PCMTD1: variants seen among roughly 807,000 people sequenced by gnomAD.
PCMTD1 encodes protein-L-isoaspartate (D-aspartate) O-methyltransferase domain containing 1, also known as protein-L-isoaspartate O-methyltransferase domain-containing protein 1.
Under a neutral mutation model 37.6 loss-of-function variants are expected in PCMTD1, and 12 were observed. That is an observed-to-expected ratio of 0.32 (90% CI 0.20 to 0.52). The LOEUF is 0.52. Among genes scored for constraint, PCMTD1 ranks in the 20% least tolerant of loss-of-function variants. PCMTD1 has a pLI of 0.97. For synonymous variants in PCMTD1, 117 were observed against 135.8 expected (o/e 0.86, Z 0.96); for missense variants, 235 against 421.3 (o/e 0.56, Z 3.87).
At chr8:51,844,030 T>C (rs2038183538) in intron 3 of PCMTD1, among the ~76,000 whole-genome samples, 1 of 152,152 alleles carries the variant, frequency 6.6e-6, no homozygotes, top group South Asian at 2.1e-4. Flanking sequence ...AAATACTTAA[T>C]AGCAATTAAA....
chr8:51,887,391 A>G (rs950318371), intron 1 of PCMTD1, among the ~76,000 whole-genome samples: 1 of 152,182 alleles, frequency 6.6e-6, no homozygotes, highest in East Asian at 1.9e-4. Flanking sequence ...CTCATCCAGC[A>G]TACAGGTGAA....
intron 1 of PCMTD1, among the ~76,000 whole-genome samples, chr8:51,866,785 G>T (rs1424034233): frequency 6.6e-6 from 1 of 151,924 alleles, no homozygotes; most frequent in Non-Finnish European, 1.5e-5. Context: ...AAATGAGACT[G>T]TATCAAACTA....
chr8:51,875,357 A>G (rs1456179940), intron 1 of PCMTD1, among the ~76,000 whole-genome samples: 8 of 152,326 alleles, frequency 5.3e-5, no homozygotes, highest in African/African-American at 1.9e-4. Flanking sequence ...ATATAATTCA[A>G]TTTAGTAAGT....
At chr8:51,824,324 A>C (rs2037890197) in intron 5 of PCMTD1, among the ~76,000 whole-genome samples, 1 of 152,202 alleles carries the variant, frequency 6.6e-6, no homozygotes, top group African/African-American at 2.4e-5. Flanking sequence ...AAATCTCCTT[A>C]AGCTGATTAG....
intron 2 of PCMTD1, among the ~76,000 whole-genome samples, chr8:51,852,929 T>C (rs573510863): frequency 4.6e-4 from 70 of 152,306 alleles, no homozygotes; most frequent in African/African-American, 1.6e-3. Context: ...TGGAATCTTT[T>C]GTACACTGGA....
intron 1 of PCMTD1, among the ~76,000 whole-genome samples, chr8:51,867,309 C>T (rs903166621): frequency 6.6e-6 from 1 of 151,970 alleles, no homozygotes; most frequent in African/African-American, 2.4e-5. Flanking sequence ...TCAGCATTAT[C>T]TTATGATCCA....
intron 2 of PCMTD1, among the ~76,000 whole-genome samples, chr8:51,856,070 A>C (rs916229223): frequency 3.3e-5 from 5 of 152,242 alleles, no homozygotes; most frequent in African/African-American, 1.2e-4. Flanking sequence ...CTAATAAAGA[A>C]CATTCTTTAA....
At chr8:51,854,427 C>T (rs557187465) in intron 2 of PCMTD1, among the ~76,000 whole-genome samples, 1 of 152,000 alleles carries the variant, frequency 6.6e-6, no homozygotes, top group Non-Finnish European at 1.5e-5. Flanking sequence ...ATACAGAGAA[C>T]AAGAGCAGAA....
At chr8:51,898,794 T>G (rs1208477349) in intron 1 of PCMTD1, 136 bp downstream of exon 1, 40 of 854,452 alleles carry the variant, frequency 4.7e-5, no homozygotes, top group Non-Finnish European at 6.1e-5. Flanking sequence ...CGCCCTTAAG[T>G]CCCCCTGCCC....
chr8:51,822,901 G>A (rs1383875996), intron 5 of PCMTD1, among the ~76,000 whole-genome samples: 3 of 152,162 alleles, frequency 2.0e-5, no homozygotes, highest in African/African-American at 7.2e-5. Context: ...AGTCTTTTCC[G>A]CTGATCTTGG....
At chr8:51,862,989 C>T (rs144527683) in intron 1 of PCMTD1, among the ~76,000 whole-genome samples, 1 of 151,892 alleles carries the variant, frequency 6.6e-6, no homozygotes, top group East Asian at 1.9e-4. Flanking sequence ...TTAGCTGTGG[C>T]ATCTCAACTT....
chr8:51,839,465 T>C, intron 3 of PCMTD1: 1 of 985,462 alleles, frequency 1.0e-6, no homozygotes, highest in Non-Finnish European at 1.2e-6. Flanking sequence ...TGGTTTTCTT[T>C]ATAGGTGCAT....
chr8:51,840,511 TTAG>T (rs1333008658), intron 3 of PCMTD1, among the ~76,000 whole-genome samples: 1 of 152,114 alleles, frequency 6.6e-6, no homozygotes, highest in Admixed American at 6.5e-5. Context: ...CTAAACATTA[TTAG>T]AATACCAAAA....
At chr8:51,865,432 A>G (rs2038536217) in intron 1 of PCMTD1, among the ~76,000 whole-genome samples, 1 of 152,126 alleles carries the variant, frequency 6.6e-6, no homozygotes, top group South Asian at 2.1e-4. Context: ...CCTTAACAAA[A>G]TACTAGCAAA....
At chr8:51,894,007 A>T (rs1319025297) in intron 1 of PCMTD1, among the ~76,000 whole-genome samples, 2 of 152,226 alleles carry the variant, frequency 1.3e-5, no homozygotes, top group Non-Finnish European at 1.5e-5. Context: ...AGTACTCAAA[A>T]CAAATTTAGA....
intron 5 of PCMTD1, chr8:51,827,378 G>A: frequency 1.4e-6 from 1 of 736,000 alleles, no homozygotes; most frequent in Non-Finnish European, 2.1e-6. Context: ...ATATTAAATG[G>A]AAAAATTGAG....
At chr8:51,837,467 G>C (rs533384606) in intron 3 of PCMTD1, among the ~76,000 whole-genome samples, 1 of 151,994 alleles carries the variant, frequency 6.6e-6, no homozygotes, top group Non-Finnish European at 1.5e-5. Context: ...AAAAAATCTA[G>C]AACATATTAG....
intron 1 of PCMTD1, chr8:51,896,086 C>G (rs1334675688): frequency 1.3e-5 from 2 of 151,920 alleles, no homozygotes; most frequent in Non-Finnish European, 2.9e-5. Flanking sequence ...GCTGGGATTA[C>G]AGATGCCCAC....
intron 5 of PCMTD1, among the ~76,000 whole-genome samples, chr8:51,824,489 G>A (rs1369415828): frequency 1.3e-5 from 2 of 152,160 alleles, no homozygotes; most frequent in Non-Finnish European, 2.9e-5. Flanking sequence ...CAACTTACAA[G>A]GGATGTGAAG....
Sources: allele counts gnomAD v4.1 joint callset (sites outside exome capture counted in the v4.1 genomes callset), GRCh38; gene constraint gnomAD v4.1.1; transcripts MANE v1.5; gene names NCBI Gene and HGNC (gene_info 2026-07-23, HGNC 2026-07-21).